The following LSAMP variants were observed in gnomAD, a reference collection of about 807,000 sequenced individuals.
The protein encoded by LSAMP is limbic system-associated membrane protein.
Under a neutral mutation model 38.6 loss-of-function variants are expected in LSAMP, and 7 were observed. That is an observed-to-expected ratio of 0.18 (90% CI 0.10 to 0.34). The LOEUF (loss-of-function observed/expected upper bound fraction) is 0.34, where lower values mean the gene tolerates loss of function less well. Ranked by LOEUF, LSAMP falls within the 10% of genes least tolerant of loss-of-function variation. The pLI is 1.00. For missense variants in LSAMP, 313 were observed against 420.0 expected (o/e 0.75, Z 2.23); for synonymous variants, 154 against 166.8 (o/e 0.92, Z 0.59).
chr3:115,939,822 G>T lies in LSAMP; in HGVS notation c.514+79693C>A, dbSNP rs201967617. 2.0e-5 allele frequency among the ~76,000 whole-genome samples: 3 copies of T among 152,060 alleles called. No individual in the cohort carries two copies. The East Asian group carries it at 5.8e-4, about 29-fold the overall frequency. ...CGATCATCCTGCTCCTCCTCTCAAA[G>T]CACTGGGATTACAGGCCCTATGTTT... On this transcript the variant is annotated intron_variant, in intron 3 of 6. Transcript: ENST00000490035.
chr3:115,994,649 A>G (rs1939765545), intron 3 of LSAMP, among the ~76,000 whole-genome samples: 2 of 152,070 alleles, frequency 1.3e-5, no homozygotes, highest in South Asian at 2.1e-4. Context: ...TGGGATTTCA[A>G]TAGATAAAAG....
intron 1 of LSAMP, among the ~76,000 whole-genome samples, chr3:116,313,062 C>T (rs1352770882): frequency 6.6e-6 from 1 of 152,078 alleles, no homozygotes; most frequent in Non-Finnish European, 1.5e-5. Context: ...TGATGAAGAC[C>T]CCATAGCACA....
intron 1 of LSAMP, among the ~76,000 whole-genome samples, chr3:116,210,459 C>T (rs575101454): frequency 6.6e-5 from 10 of 152,174 alleles, no homozygotes; most frequent in Non-Finnish European, 1.0e-4. Flanking sequence ...GAACATCAGA[C>T]GGCAAGTTCT....
rs1166718654 is a variant in LSAMP, at chr3:116,334,162, C to T, written c.155+110715G>A. ...AAACCTAGCTGAAATGAACAAATTT[C>T]TAGAAACACAACACCTGCCAAGACC... On this transcript the variant is annotated intron_variant, in intron 1 of 6. Coordinates refer to ENST00000490035, the MANE Select transcript of LSAMP (RefSeq NM_002338.5). Among the ~76,000 whole-genome samples the T allele has an allele frequency of 2.0e-5, 3 of 151,940 alleles. No homozygotes were observed. The East Asian group carries it at 5.8e-4, about 29-fold the overall frequency.
intron 3 of LSAMP, among the ~76,000 whole-genome samples, chr3:115,905,092 A>G (rs1936976356): frequency 6.6e-6 from 1 of 152,102 alleles, no homozygotes; most frequent in South Asian, 2.1e-4. Context: ...CTTGGATAAA[A>G]TGCTCTTTTG....
At chr3:115,842,194 G>A (rs924000483) in intron 5 of LSAMP, among the ~76,000 whole-genome samples, 1 of 152,180 alleles carries the variant, frequency 6.6e-6, no homozygotes, top group Non-Finnish European at 1.5e-5. Context: ...CTAGGGAATG[G>A]GTTTGAGTTT....
At chr3:115,899,409 C>T (rs560282700) in intron 3 of LSAMP, among the ~76,000 whole-genome samples, 45 of 152,224 alleles carry the variant, frequency 3.0e-4, no homozygotes, top group African/African-American at 1.1e-3. Flanking sequence ...TGAGGCAGTG[C>T]AGAGCATTCA....
chr3:115,828,583 G>A (rs1016954632), intron 6 of LSAMP, among the ~76,000 whole-genome samples: 1 of 152,188 alleles, frequency 6.6e-6, no homozygotes, highest in African/African-American at 2.4e-5. Context: ...TCAGTTTTCT[G>A]TCCATCAAGA....
intron 3 of LSAMP, among the ~76,000 whole-genome samples, chr3:115,910,651 A>G (rs1576209997): frequency 6.6e-6 from 1 of 152,152 alleles, no homozygotes; most frequent in African/African-American, 2.4e-5. Flanking sequence ...CCATCACTAC[A>G]AGGATCCTGC....
At chr3:115,991,213 A>T (rs1169009601) in intron 3 of LSAMP, among the ~76,000 whole-genome samples, 4 of 152,138 alleles carry the variant, frequency 2.6e-5, no homozygotes, top group African/African-American at 9.7e-5. Context: ...CTAAACAGGG[A>T]TTAGACTTTG....
At chr3:116,005,058 C>T (rs751501701) in intron 3 of LSAMP, among the ~76,000 whole-genome samples, 1 of 152,054 alleles carries the variant, frequency 6.6e-6, no homozygotes, top group Non-Finnish European at 1.5e-5. Flanking sequence ...GTAGTAGTAG[C>T]AGTGGGTAGT....
intron 3 of LSAMP, among the ~76,000 whole-genome samples, chr3:116,008,830 C>T (rs1470618758): frequency 6.6e-6 from 1 of 152,146 alleles, no homozygotes; most frequent in African/African-American, 2.4e-5. Context: ...CAGCTTTCTC[C>T]ACCTGTAGTC....
chr3:116,254,422 T>G (rs2046724252), intron 1 of LSAMP, among the ~76,000 whole-genome samples: 1 of 149,598 alleles, frequency 6.7e-6, no homozygotes. Context: ...GAGGAGGGGG[T>G]GATAGAGGGA....
intron 1 of LSAMP, among the ~76,000 whole-genome samples, chr3:116,431,792 T>C (rs2049284733): frequency 6.6e-6 from 1 of 152,054 alleles, no homozygotes; most frequent in Non-Finnish European, 1.5e-5. Flanking sequence ...GCATGCTCAT[T>C]AACAAATCAC....
At chr3:115,960,711 A>C (rs757613516) in intron 3 of LSAMP, among the ~76,000 whole-genome samples, 6 of 152,182 alleles carry the variant, frequency 3.9e-5, no homozygotes, top group Admixed American at 6.5e-5. Context: ...CACCTACAAG[A>C]AGGACTTAAA....
intron 1 of LSAMP, among the ~76,000 whole-genome samples, chr3:116,159,384 A>G (rs939006930): frequency 6.6e-6 from 1 of 152,220 alleles, no homozygotes; most frequent in Non-Finnish European, 1.5e-5. Flanking sequence ...TCCAGAATCT[A>G]TAAGAAACTT....
In LSAMP at chr3:116,110,394, C is replaced by G. The variant is rs146204970; in HGVS notation, c.156-23838G>C. Among the ~76,000 whole-genome samples the G allele has an allele frequency of 5.2e-3, 796 of 152,214 alleles. 2 individuals are homozygous for G. Among genetic ancestry groups the G allele is most frequent in the African/African-American group, 0.018 (758 of 41,520 alleles). ...CAGGCATCCCTGCGTGGTCTGACAC[C>G]CTTGAAACATGGGTGAATAATCAGA... On this transcript the variant is annotated intron_variant, in intron 1 of 6. Transcript: ENST00000490035.
intron 1 of LSAMP, among the ~76,000 whole-genome samples, chr3:116,112,904 G>A (rs1266435404): frequency 6.6e-6 from 1 of 151,860 alleles, no homozygotes; most frequent in Admixed American, 6.6e-5. Flanking sequence ...CTGTGGCTCT[G>A]ACAGGAGATT....
chr3:116,289,597 C>T (rs1257372291), intron 1 of LSAMP, among the ~76,000 whole-genome samples: 1 of 152,052 alleles, frequency 6.6e-6, no homozygotes, highest in Non-Finnish European at 1.5e-5. Context: ...ATATATGCCA[C>T]TGCCTAACTA....
Sources: allele counts gnomAD v4.1 joint callset (sites outside exome capture counted in the v4.1 genomes callset), GRCh38; gene constraint gnomAD v4.1.1; transcripts MANE v1.5; gene names NCBI Gene and HGNC (gene_info 2026-07-23, HGNC 2026-07-21).